EMCN: variants seen among roughly 807,000 people sequenced by gnomAD.
EMCN encodes the protein endomucin, also known as MUC-14.
A neutral mutation model predicts 38.4 loss-of-function variants in EMCN; 37 were observed. That is an observed-to-expected ratio of 0.96 (90% CI 0.74 to 1.27). EMCN has a LOEUF of 1.27. EMCN is among the 50% of genes most tolerant of loss of function. EMCN has a pLI of 0.00. For synonymous variants in EMCN, 95 were observed against 100.8 expected, an observed-to-expected ratio of 0.94 and a Z score of 0.35; for missense variants, 318 against 302.8, an observed-to-expected ratio of 1.05 and a Z score of -0.37.
intron 4 of EMCN, among the ~76,000 whole-genome samples, chr4:100,456,927 A>T (rs1198709547): frequency 2.0e-5 from 3 of 152,100 alleles, no homozygotes; most frequent in African/African-American, 7.2e-5. Context: ...AATTTTCATG[A>T]GAATTGTGGA....
intron 10 of EMCN, 100 bp from the exon 11 acceptor site, chr4:100,410,455 C>A: frequency 5.8e-6 from 7 of 1,200,904 alleles, no homozygotes; most frequent in Non-Finnish European, 8.5e-6. Context: ...GAAAGTTCAA[C>A]TTTCCTGCAA....
chr4:100,474,515 T>C (rs763846684), intron 3 of EMCN, among the ~76,000 whole-genome samples: 2 of 152,110 alleles, frequency 1.3e-5, no homozygotes, highest in African/African-American at 4.8e-5. Context: ...TTAAGAGAAA[T>C]GAAAAACGTA....
At chr4:100,413,113 A>G (rs10516465) in intron 10 of EMCN, among the ~76,000 whole-genome samples, 2,187 of 152,322 alleles carry the variant, frequency 0.014, 57 homozygotes, top group African/African-American at 0.05. Flanking sequence ...TGACAGATTC[A>G]AATAATTTTT....
chr4:100,480,483 T>C (rs570631609), intron 1 of EMCN, among the ~76,000 whole-genome samples: 1 of 151,754 alleles, frequency 6.6e-6, no homozygotes, highest in East Asian at 1.9e-4. Flanking sequence ...GCACTCTATA[T>C]AAATGTGTAC....
intron 11 of EMCN, among the ~76,000 whole-genome samples, chr4:100,404,773 A>C (rs1000599699): frequency 1.3e-5 from 2 of 152,154 alleles, no homozygotes; most frequent in African/African-American, 2.4e-5. Flanking sequence ...TTTGATAGAG[A>C]ATAACATTGA....
intron 10 of EMCN, among the ~76,000 whole-genome samples, chr4:100,413,864 G>T (rs570155331): frequency 6.6e-6 from 1 of 152,298 alleles, no homozygotes; most frequent in South Asian, 2.1e-4. Flanking sequence ...TATTTTTGAA[G>T]AAAAGGAAGT....
chr4:100,442,239 T>A (rs1156472301), intron 5 of EMCN, among the ~76,000 whole-genome samples: 1 of 152,208 alleles, frequency 6.6e-6, no homozygotes, highest in African/African-American at 2.4e-5. Flanking sequence ...CTGCAAGGTT[T>A]CTATTGAGAA....
At chr4:100,517,018 G>A (rs1392875) in intron 1 of EMCN, among the ~76,000 whole-genome samples, 84,250 of 151,702 alleles carry the variant, frequency 0.56, 23,914 homozygotes, top group East Asian at 0.8. Flanking sequence ...GGGCAAGGAC[G>A]TCTTACTTGT....
chr4:100,482,777 G>A (rs1285600870), intron 1 of EMCN, among the ~76,000 whole-genome samples: 1 of 152,122 alleles, frequency 6.6e-6, no homozygotes, highest in Non-Finnish European at 1.5e-5. Context: ...GCATGGGGCA[G>A]AGAATGAGAA....
chr4:100,399,146 C>G (rs913109830), intron 11 of EMCN, among the ~76,000 whole-genome samples: 11 of 152,120 alleles, frequency 7.2e-5, no homozygotes, highest in African/African-American at 1.4e-4. Flanking sequence ...GGTAGCCAAG[C>G]CTTTGGTTTA....
At chr4:100,496,789 T>G (rs1219717265) in intron 1 of EMCN, among the ~76,000 whole-genome samples, 1 of 152,210 alleles carries the variant, frequency 6.6e-6, no homozygotes, top group African/African-American at 2.4e-5. Context: ...GAGTCAATGT[T>G]ATTTAATTCT....
At chr4:100,470,332 A>G (rs1040113301) in intron 3 of EMCN, among the ~76,000 whole-genome samples, 1 of 151,692 alleles carries the variant, frequency 6.6e-6, no homozygotes, top group East Asian at 1.9e-4. Context: ...CAAAACCACA[A>G]TGAGATACCC....
intron 4 of EMCN, among the ~76,000 whole-genome samples, chr4:100,456,373 TTTA>T (rs1351660225): frequency 6.6e-6 from 1 of 152,090 alleles, no homozygotes; most frequent in Admixed American, 6.6e-5. Flanking sequence ...TTTTTGGGGG[TTTA>T]TTATTTATTT....
chr4:100,424,195 A>G lies in EMCN; in HGVS notation c.416-791T>C, dbSNP rs1726980704. ...TAATTAAGTATTGTATAAGTTGAAA[A>G]CATTTATTCTTGTGAATTTGGAATA... is the stretch of plus-strand genomic sequence containing the variant. On this transcript the variant is annotated intron_variant, in intron 5 of 11. Transcript: ENST00000296420. 2.6e-5 allele frequency among the ~76,000 whole-genome samples: 4 copies of G among 152,148 alleles called. No individual in the cohort carries two copies. The South Asian group carries it at 8.3e-4, about 32-fold the overall frequency.
intron 3 of EMCN, among the ~76,000 whole-genome samples, chr4:100,474,635 G>T (rs1728583257): frequency 1.3e-5 from 2 of 152,086 alleles, no homozygotes. Context: ...ACAAAATGTG[G>T]TATATCCATA....
intron 1 of EMCN, among the ~76,000 whole-genome samples, chr4:100,513,654 TG>T (rs1200386014): frequency 6.6e-6 from 1 of 152,174 alleles, no homozygotes; most frequent in Non-Finnish European, 1.5e-5. Context: ...CCCTTATATT[TG>T]GTGCTCACTT....
chr4:100,509,626 A>C (rs1729572993), intron 1 of EMCN, among the ~76,000 whole-genome samples: 1 of 152,232 alleles, frequency 6.6e-6, no homozygotes, highest in Admixed American at 6.5e-5. Context: ...ACCACAAAAA[A>C]GTATTTCTTT....
intron 1 of EMCN, chr4:100,487,104 A>G (rs1578226865): frequency 5.1e-6 from 4 of 778,602 alleles, no homozygotes; most frequent in Middle Eastern, 1.3e-3. Flanking sequence ...TATCTTGGCA[A>G]TGCTCCTTGG....
At chr4:100,461,444 T>C (rs570048255) in intron 4 of EMCN, among the ~76,000 whole-genome samples, 1 of 152,292 alleles carries the variant, frequency 6.6e-6, no homozygotes, top group African/African-American at 2.4e-5. Context: ...TATACAACGA[T>C]TTATCACAAT....
Sources: allele counts gnomAD v4.1 joint callset (sites outside exome capture counted in the v4.1 genomes callset), GRCh38; gene constraint gnomAD v4.1.1; transcripts MANE v1.5; gene names NCBI Gene and HGNC (gene_info 2026-07-23, HGNC 2026-07-21).